The following FRAS1 variants were observed in gnomAD, a reference collection of about 807,000 sequenced individuals.
FRAS1 encodes the protein Fraser extracellular matrix complex subunit 1, also known as extracellular matrix organizing protein FRAS1.
Under a neutral mutation model 435.2 loss-of-function variants are expected in FRAS1, and 290 were observed. The observed-to-expected ratio is 0.67, with a 90% CI of 0.61 to 0.73. FRAS1 has a LOEUF of 0.73. Among genes scored for constraint, FRAS1 ranks in the 30% least tolerant of loss-of-function variants. The pLI is 0.00. For missense variants in FRAS1, 4,860 were observed against 5,001.5 expected (o/e 0.97, Z 0.85); for synonymous variants, 1,800 against 1,851.0 (o/e 0.97, Z 0.71).
chr4:78,473,360 T>C, intron 52 of FRAS1, 78 bp from the exon 53 acceptor site: 1 of 1,156,574 alleles, frequency 8.6e-7, no homozygotes, highest in Non-Finnish European at 1.2e-6. Context: ...AAGAATAAAC[T>C]AGGTTTGTTG....
chr4:78,523,125 A>G (rs1721438019), intron 69 of FRAS1, among the ~76,000 whole-genome samples: 1 of 152,174 alleles, frequency 6.6e-6, no homozygotes, highest in Non-Finnish European at 1.5e-5. Flanking sequence ...ATGACATTCT[A>G]GCAAAGAAAG....
chr4:78,270,211 C>T (rs988159490), intron 9 of FRAS1, among the ~76,000 whole-genome samples: 1 of 152,182 alleles, frequency 6.6e-6, no homozygotes, highest in Non-Finnish European at 1.5e-5. Context: ...AACTTCCCAC[C>T]TCACCAAAAC....
At chr4:78,149,448 A>G (rs1720553610) in intron 2 of FRAS1, among the ~76,000 whole-genome samples, 1 of 152,224 alleles carries the variant, frequency 6.6e-6, no homozygotes, top group Non-Finnish European at 1.5e-5. Context: ...CTGTCCCACC[A>G]GCACCAGTCT....
At chr4:78,508,146 A>G (rs1720900601) in intron 62 of FRAS1, among the ~76,000 whole-genome samples, 1 of 152,212 alleles carries the variant, frequency 6.6e-6, no homozygotes, top group South Asian at 2.1e-4. Flanking sequence ...ACTTGGGGTG[A>G]ATAGAATGAA....
In FRAS1 at chr4:78,541,171, T is replaced by A. The variant is rs1722039695; in HGVS notation, c.*47T>A. ...TTTTTCTAAAATCATTTTTATAAAATGGGGGGAAATACTGGTATTTTTATA... is the reference window on the plus strand; with the variant it reads ...TTTTTCTAAAATCATTTTTATAAAAAGGGGGGAAATACTGGTATTTTTATA... On this transcript the variant is annotated 3_prime_UTR_variant, in exon 74 of 74. Transcript: ENST00000512123. 1 of 1,099,200 alleles carries A rather than the reference T, an allele frequency of 9.1e-7. No individual in the cohort carries two copies. Among genetic ancestry groups the A allele is most frequent in the South Asian group, 3.5e-5 (1 of 28,616 alleles). 68.1% of individuals were successfully genotyped at this position (1,099,200 alleles called of 1,614,324 possible). A position where few individuals can be genotyped will look rare whatever the true frequency, so the allele number is the denominator to read the frequency against.
At chr4:78,184,188 AGG>A (rs1722176761) in intron 2 of FRAS1, among the ~76,000 whole-genome samples, 1 of 152,202 alleles carries the variant, frequency 6.6e-6, no homozygotes, top group South Asian at 2.1e-4. Flanking sequence ...CAGATCAGTC[AGG>A]GTCACTGGAG....
At chr4:78,119,830 A>C (rs1397108673) in intron 2 of FRAS1, among the ~76,000 whole-genome samples, 1 of 152,144 alleles carries the variant, frequency 6.6e-6, no homozygotes, top group Non-Finnish European at 1.5e-5. Context: ...GTGTATGGGA[A>C]ACTCCACTTT....
intron 2 of FRAS1, among the ~76,000 whole-genome samples, chr4:78,094,231 G>GA (rs1741681864): frequency 6.7e-6 from 1 of 150,078 alleles, no homozygotes; most frequent in South Asian, 2.1e-4. Flanking sequence ...TTGTATTAGG[G>GA]AAAAAATGAA....
At chr4:78,241,480 T>C (rs1725001279) in intron 3 of FRAS1, among the ~76,000 whole-genome samples, 1 of 152,210 alleles carries the variant, frequency 6.6e-6, no homozygotes, top group South Asian at 2.1e-4. Flanking sequence ...TTTTTAGTTT[T>C]TGATATTACC....
intron 58 of FRAS1, among the ~76,000 whole-genome samples, chr4:78,488,030 G>A (rs1474442670): frequency 6.6e-6 from 1 of 152,164 alleles, no homozygotes; most frequent in Non-Finnish European, 1.5e-5. Flanking sequence ...CTACTTGGGA[G>A]GCTGAGGCAG....
intron 2 of FRAS1, among the ~76,000 whole-genome samples, chr4:78,067,672 T>TTTATCA (rs1553915725): frequency 8.0e-6 from 1 of 125,748 alleles, no homozygotes; most frequent in East Asian, 2.3e-4. Flanking sequence ...TTTTCTTTCT[T>TTTATCA]TTATTATTAT....
intron 2 of FRAS1, among the ~76,000 whole-genome samples, chr4:78,122,520 T>C (rs991222887): frequency 6.6e-6 from 1 of 152,216 alleles, no homozygotes; most frequent in South Asian, 2.1e-4. Flanking sequence ...TCAAATGGTA[T>C]TTCTAGTTCT....
At chr4:78,163,030 G>C (rs1721202295) in intron 2 of FRAS1, among the ~76,000 whole-genome samples, 1 of 152,178 alleles carries the variant, frequency 6.6e-6, no homozygotes, top group Non-Finnish European at 1.5e-5. Context: ...CGCCTTCAGT[G>C]TTTGAAGTGG....
intron 58 of FRAS1, among the ~76,000 whole-genome samples, chr4:78,484,826 C>T (rs895796902): frequency 6.6e-6 from 1 of 152,146 alleles, no homozygotes; most frequent in African/African-American, 2.4e-5. Context: ...TCTAGAGGAA[C>T]CAGCATGCAT....
intron 2 of FRAS1, among the ~76,000 whole-genome samples, chr4:78,082,930 G>A (rs1740961163): frequency 6.6e-6 from 1 of 152,126 alleles, no homozygotes; most frequent in African/African-American, 2.4e-5. Flanking sequence ...ATGCTCTTGT[G>A]TTTGGTGACC....
At chr4:78,246,757 A>AT (rs1385337915) in intron 4 of FRAS1, among the ~76,000 whole-genome samples, 3 of 149,110 alleles carry the variant, frequency 2.0e-5, no homozygotes, top group Non-Finnish European at 4.5e-5. Context: ...GAAAAAAAAA[A>AT]CCAGACATAT....
At chr4:78,157,824 C>G (rs1720959756) in intron 2 of FRAS1, among the ~76,000 whole-genome samples, 1 of 151,834 alleles carries the variant, frequency 6.6e-6, no homozygotes, top group Admixed American at 6.6e-5. Context: ...TTAATTAGGT[C>G]CCATTTATCA....
intron 38 of FRAS1, among the ~76,000 whole-genome samples, chr4:78,435,041 A>G (rs557045742): frequency 5.3e-4 from 81 of 152,166 alleles, no homozygotes; most frequent in Non-Finnish European, 9.6e-4. Flanking sequence ...CTGATTCTAA[A>G]ATATGTAAGA....
intron 2 of FRAS1, among the ~76,000 whole-genome samples, chr4:78,199,772 C>G (rs1475644272): frequency 6.6e-6 from 1 of 152,000 alleles, no homozygotes; most frequent in South Asian, 2.1e-4. Flanking sequence ...AATGATGGGC[C>G]GTGTGTAACC....
Sources: gnomAD v4.1 joint callset for allele counts (sites outside exome capture counted in the v4.1 genomes callset) on GRCh38, gnomAD v4.1.1 for gene constraint, MANE v1.5 for transcripts, NCBI Gene and HGNC (gene_info 2026-07-23, HGNC 2026-07-21) for gene names.